The following ERGIC2 variants were observed in gnomAD, a reference collection of about 807,000 sequenced individuals.
ERGIC2 encodes the protein ERGIC and golgi 2.
Under a neutral mutation model 52.5 loss-of-function variants are expected in ERGIC2, and 31 were observed. That is an observed-to-expected ratio of 0.59 (90% CI 0.44 to 0.80). The LOEUF (loss-of-function observed/expected upper bound fraction) is 0.80. ERGIC2 is among the 30% of genes least tolerant of loss of function. The pLI is 0.00. For missense variants in ERGIC2, 395 were observed against 455.2 expected (o/e 0.87, Z 1.20); for synonymous variants, 129 against 140.6 (o/e 0.92, Z 0.58).
intron 7 of ERGIC2, 51 bp downstream of exon 7, chr12:29,357,572 G>A (rs765913150): frequency 5.1e-6 from 5 of 971,756 alleles, no homozygotes; most frequent in Non-Finnish European, 8.1e-6. Context: ...TTTTAACTAT[G>A]TCAAAGTAAA....
At chr12:29,358,426 G>A (rs564994995) in intron 6 of ERGIC2, among the ~76,000 whole-genome samples, 37 of 152,224 alleles carry the variant, frequency 2.4e-4, no homozygotes, top group African/African-American at 7.9e-4. Flanking sequence ...TTTTACAGCA[G>A]TGAAATCATT....
In ERGIC2 at chr12:29,343,132, A is replaced by T. The variant is rs1256447051; in HGVS notation, c.976T>A (p.Phe326Ile). 6.3e-7 allele frequency: 1 copy of T among 1,595,512 alleles called. No homozygotes were observed. Among genetic ancestry groups the T allele is most frequent in the East Asian group, 2.2e-5 (1 of 44,536 alleles). The change falls in exon 12 of 14, where the codon TTT (phenylalanine) becomes ATT (isoleucine). Residue 326 changes from phenylalanine (F) to isoleucine (I), a missense_variant. By Grantham distance (21) the Phe-to-Ile change is conservative. Transcript: ENST00000360150. ...VRLCGIVGGIFSTTGMLHGIG... is the reference protein window; with the variant it reads ...VRLCGIVGGIISTTGMLHGIG... ...AATGGTTGTTAACCTGTTGTTGAAA[A>T]GATTCCTCCAACAATACCACAGAGT...
Position 29,352,660 on chromosome 12 carries a change from T to C in ERGIC2, c.573-2592A>G, listed in dbSNP as rs1164827218. On this transcript the variant is annotated intron_variant, in intron 8 of 13. Coordinates refer to ENST00000360150, the MANE Select transcript of ERGIC2 (RefSeq NM_016570.3). ...GCATGAGCAACAGAGCGAGACTCTG[T>C]CTCAAAAAAATAAACAAACAAATAA... 3.3e-5 allele frequency among the ~76,000 whole-genome samples: 5 copies of C among 152,022 alleles called. No homozygotes were observed. In the East Asian group the frequency reaches 5.8e-4, roughly 18 times the overall value.
At chr12:29,346,331 A>G (rs1030104103) in intron 10 of ERGIC2, among the ~76,000 whole-genome samples, 5 of 151,482 alleles carry the variant, frequency 3.3e-5, no homozygotes, top group African/African-American at 1.2e-4. Flanking sequence ...TGGGACTACA[A>G]TGCACGCCAC....
chr12:29,345,896 A>T (rs1940041965), intron 10 of ERGIC2, among the ~76,000 whole-genome samples: 1 of 152,104 alleles, frequency 6.6e-6, no homozygotes, highest in South Asian at 2.1e-4. Flanking sequence ...GCAGTGAGCC[A>T]TGATTGTGCT....
At chr12:29,373,397 C>T (rs1362725604) in intron 1 of ERGIC2, among the ~76,000 whole-genome samples, 3 of 152,002 alleles carry the variant, frequency 2.0e-5, no homozygotes, top group South Asian at 2.1e-4. Flanking sequence ...TAGAATAAAT[C>T]GTACAGTTGC....
chr12:29,365,403 G>T (rs1251197772), intron 5 of ERGIC2, among the ~76,000 whole-genome samples: 1 of 151,846 alleles, frequency 6.6e-6, no homozygotes, highest in Non-Finnish European at 1.5e-5. Flanking sequence ...GGAGCTAAAC[G>T]CTGGGTACTC....
Position 29,347,532 on chromosome 12 carries a change from GT to G in ERGIC2, c.727+1546del, listed in dbSNP as rs1487906115. Among the ~76,000 whole-genome samples, 4 of 152,048 alleles carry G rather than the reference GT, an allele frequency of 2.6e-5. No individual in the cohort carries two copies. In the South Asian group the frequency reaches 8.3e-4, roughly 32 times the overall value. On this transcript the variant is annotated intron_variant, in intron 10 of 13. Transcript: ENST00000360150. ...AATCTCCTTTATTTTGTTCAGAGCCGTTTGCCCTAACACTTATTACCTAAAG... is the reference window on the plus strand; with the variant it reads ...AATCTCCTTTATTTTGTTCAGAGCCGTTGCCCTAACACTTATTACCTAAAG...
At chr12:29,351,423 G>A (rs2136857826) in intron 8 of ERGIC2, among the ~76,000 whole-genome samples, 1 of 152,168 alleles carries the variant, frequency 6.6e-6, no homozygotes, top group East Asian at 1.9e-4. Flanking sequence ...AAATATTCTT[G>A]CCTATAGTTT....
intron 1 of ERGIC2, among the ~76,000 whole-genome samples, chr12:29,374,111 C>T (rs183590993): frequency 3.0e-4 from 45 of 152,290 alleles, no homozygotes; most frequent in Admixed American, 6.5e-4. Flanking sequence ...CTACAGCCAA[C>T]TTAAAAGAAT....
chr12:29,376,939 C>G (rs1332050720), intron 1 of ERGIC2, among the ~76,000 whole-genome samples: 1 of 152,090 alleles, frequency 6.6e-6, no homozygotes, highest in African/African-American at 2.4e-5. Flanking sequence ...GTCAAAACAG[C>G]CTTTCCTTTA....
intron 4 of ERGIC2, among the ~76,000 whole-genome samples, chr12:29,367,532 A>T (rs1940381085): frequency 6.6e-6 from 1 of 151,856 alleles, no homozygotes; most frequent in Non-Finnish European, 1.5e-5. Flanking sequence ...AAGGAAAAAC[A>T]TATTGAAAAG....
chr12:29,352,956 T>G (rs1846555853), intron 8 of ERGIC2, among the ~76,000 whole-genome samples: 1 of 152,196 alleles, frequency 6.6e-6, no homozygotes, highest in Non-Finnish European at 1.5e-5. Context: ...TTACTAATTC[T>G]AGCAATTAAC....
intron 3 of ERGIC2, 81 bp downstream of exon 3, chr12:29,370,033 G>A (rs1940419205): frequency 7.9e-7 from 1 of 1,271,386 alleles, no homozygotes; most frequent in South Asian, 2.1e-5. Context: ...TAGAAGGTTA[G>A]ACTTTTTCTT....
chr12:29,352,014 CTG>C (rs1252147136), intron 8 of ERGIC2, among the ~76,000 whole-genome samples: 1 of 152,124 alleles, frequency 6.6e-6, no homozygotes, highest in African/African-American at 2.4e-5. Flanking sequence ...CCATGGTACA[CTG>C]TGCTTTAAAA....
chr12:29,351,814 T>G (rs367949830), intron 8 of ERGIC2, among the ~76,000 whole-genome samples: 1 of 152,218 alleles, frequency 6.6e-6, no homozygotes, highest in East Asian at 1.9e-4. Context: ...TATGATAAAA[T>G]TCTACAGTGT....
chr12:29,360,305 T>G (rs1467361729), intron 6 of ERGIC2, among the ~76,000 whole-genome samples: 1 of 151,680 alleles, frequency 6.6e-6, no homozygotes, highest in Non-Finnish European at 1.5e-5. Flanking sequence ...AATATTAGAA[T>G]TCTAAAAGCA....
intron 3 of ERGIC2, among the ~76,000 whole-genome samples, chr12:29,368,981 T>C (rs1191408614): frequency 6.6e-6 from 1 of 151,970 alleles, no homozygotes; most frequent in East Asian, 1.9e-4. Context: ...GAATGAAGCA[T>C]TGCGAATAAT....
At chr12:29,341,574 T>C (rs1949840600) in intron 13 of ERGIC2, among the ~76,000 whole-genome samples, 160 bp downstream of exon 13, 1 of 152,082 alleles carries the variant, frequency 6.6e-6, no homozygotes, top group African/African-American at 2.4e-5. Flanking sequence ...GCTCTCACTA[T>C]GTTGCCTTGA....
Sources: gnomAD v4.1 joint callset for allele counts (sites outside exome capture counted in the v4.1 genomes callset) on GRCh38, gnomAD v4.1.1 for gene constraint, MANE v1.5 for transcripts, NCBI Gene and HGNC (gene_info 2026-07-23, HGNC 2026-07-21) for gene names.